Variants in ROBO2 observed in about 807,000 individuals in gnomAD.
ROBO2 encodes roundabout homolog 2.
A neutral mutation model predicts 160.8 loss-of-function variants in ROBO2; 53 were observed. That is an observed-to-expected ratio of 0.33 (90% CI 0.26 to 0.41). The LOEUF is 0.41. ROBO2 is among the 10% of genes least tolerant of loss of function. The probability of loss-of-function intolerance (pLI) is 1.00; values close to 1 mark genes in which losing one functional copy is unlikely to be tolerated. For missense variants in ROBO2, 1,577 were observed against 1,722.4 expected, an observed-to-expected ratio of 0.92 and a Z score of 1.49; for synonymous variants, 664 against 611.7, an observed-to-expected ratio of 1.09 and a Z score of -1.26.
intron 2 of ROBO2, among the ~76,000 whole-genome samples, chr3:76,218,113 C>T (rs1703688419): frequency 6.6e-6 from 1 of 152,246 alleles, no homozygotes; most frequent in East Asian, 1.9e-4. Flanking sequence ...AATTCAACAG[C>T]CCTTCATGCT....
chr3:76,116,813 A>G (rs1196444302), intron 2 of ROBO2, among the ~76,000 whole-genome samples: 1 of 152,160 alleles, frequency 6.6e-6, no homozygotes, highest in African/African-American at 2.4e-5. Context: ...GAGCACAGAC[A>G]CTTTCCTCAC....
intron 2 of ROBO2, among the ~76,000 whole-genome samples, chr3:76,490,374 G>A (rs1296458532): frequency 1.3e-5 from 2 of 152,050 alleles, no homozygotes; most frequent in Non-Finnish European, 2.9e-5. Flanking sequence ...TCTCCTTTTG[G>A]GTCAATGGAA....
intron 2 of ROBO2, among the ~76,000 whole-genome samples, chr3:76,017,129 C>T (rs1468042548): frequency 6.6e-6 from 1 of 152,150 alleles, no homozygotes; most frequent in Non-Finnish European, 1.5e-5. Context: ...TAGCCAACTA[C>T]AACAATTTGT....
At chr3:76,752,451 A>G (rs1476174360) in intron 2 of ROBO2, among the ~76,000 whole-genome samples, 1 of 151,176 alleles carries the variant, frequency 6.6e-6, no homozygotes, top group East Asian at 2.0e-4. Context: ...AAAAAAAAAG[A>G]AAAAAAATGA....
intron 2 of ROBO2, among the ~76,000 whole-genome samples, chr3:76,079,439 A>T (rs1314471910): frequency 6.6e-6 from 1 of 151,322 alleles, no homozygotes; most frequent in East Asian, 1.9e-4. Context: ...ATTACGTATC[A>T]TTAAACATTG....
At chr3:77,551,031 T>A in intron 8 of ROBO2, 42 bp downstream of exon 9, 1 of 1,600,554 alleles carries the variant, frequency 6.2e-7, no homozygotes, top group East Asian at 2.2e-5. Flanking sequence ...AAACATTGAT[T>A]TTTATTTCTA....
At chr3:76,292,798 C>A (rs1392280902) in intron 2 of ROBO2, among the ~76,000 whole-genome samples, 1 of 152,012 alleles carries the variant, frequency 6.6e-6, no homozygotes, top group African/African-American at 2.4e-5. Context: ...AAGCTTAACA[C>A]CATGTTTTCA....
intron 2 of ROBO2, among the ~76,000 whole-genome samples, chr3:76,949,564 T>A (rs952785973): frequency 2.0e-5 from 3 of 152,166 alleles, no homozygotes; most frequent in Admixed American, 2.0e-4. Context: ...TCTCCCCTGT[T>A]TCCGGTGTCC....
At chr3:77,019,407 C>T (rs2062485009) in intron 2 of ROBO2, among the ~76,000 whole-genome samples, 1 of 152,150 alleles carries the variant, frequency 6.6e-6, no homozygotes, top group Non-Finnish European at 1.5e-5. Flanking sequence ...ACCCTACTAA[C>T]TGATAACATC....
chr3:76,675,950 A>G (rs1207144827), intron 2 of ROBO2, among the ~76,000 whole-genome samples: 1 of 152,120 alleles, frequency 6.6e-6, no homozygotes, highest in Middle Eastern at 3.2e-3. Context: ...TAGTTGTTTC[A>G]AAATTAATTA....
At chr3:76,487,307 C>T (rs1310893729) in intron 2 of ROBO2, among the ~76,000 whole-genome samples, 1 of 151,864 alleles carries the variant, frequency 6.6e-6, no homozygotes, top group African/African-American at 2.4e-5. Context: ...TGCTTTCTGT[C>T]CCGTCACATC....
intron 2 of ROBO2, among the ~76,000 whole-genome samples, chr3:76,353,498 C>T (rs1052004184): frequency 1.3e-5 from 2 of 152,048 alleles, no homozygotes; most frequent in African/African-American, 4.8e-5. Flanking sequence ...AACTACATTG[C>T]ACATTCAGCC....
At chr3:76,044,280 A>G (rs995298096) in intron 2 of ROBO2, among the ~76,000 whole-genome samples, 1 of 152,026 alleles carries the variant, frequency 6.6e-6, no homozygotes, top group African/African-American at 2.4e-5. Context: ...TCTTCCCTCA[A>G]ACATCTGTGT....
intron 2 of ROBO2, among the ~76,000 whole-genome samples, chr3:76,736,377 T>G (rs2093714730): frequency 6.6e-6 from 1 of 152,108 alleles, no homozygotes; most frequent in Admixed American, 6.5e-5. Flanking sequence ...AATTTAGTGT[T>G]GTCCTAGTTT....
At chr3:76,391,779 A>G (rs6796936) in intron 2 of ROBO2, among the ~76,000 whole-genome samples, 34,193 of 152,048 alleles carry the variant, frequency 0.22, 4,822 homozygotes, top group African/African-American at 0.4. Flanking sequence ...AAAGTGCTGG[A>G]ATTAAAGGTG....
At chr3:77,073,065 T>C (rs557453133) in intron 1 of ROBO2, among the ~76,000 whole-genome samples, 1 of 152,318 alleles carries the variant, frequency 6.6e-6, no homozygotes, top group Non-Finnish European at 1.5e-5. Flanking sequence ...AATGGTTTTA[T>C]GGTTAGGTAT....
chr3:76,687,176 G>A (rs1241789910), intron 2 of ROBO2, among the ~76,000 whole-genome samples: 1 of 152,048 alleles, frequency 6.6e-6, no homozygotes, highest in Admixed American at 6.6e-5. Flanking sequence ...ATATTTTAGA[G>A]CCTGTATTAT....
At chr3:75,977,094 A>G (rs1447255987) in intron 2 of ROBO2, among the ~76,000 whole-genome samples, 7 of 151,612 alleles carry the variant, frequency 4.6e-5, no homozygotes, top group Non-Finnish European at 8.9e-5. Context: ...ATTTTTGTGC[A>G]TAGAATTATA....
chr3:77,203,734 G>T (rs1050325803), intron 2 of ROBO2, among the ~76,000 whole-genome samples: 1 of 152,090 alleles, frequency 6.6e-6, no homozygotes. Context: ...TGATAGTGGC[G>T]GCTGAAACTG....
Sources: allele counts gnomAD v4.1 joint callset (sites outside exome capture counted in the v4.1 genomes callset), GRCh38; gene constraint gnomAD v4.1.1; transcripts MANE v1.5; gene names NCBI Gene and HGNC (gene_info 2026-07-23, HGNC 2026-07-21).